Variants in KAT2B observed in about 807,000 individuals in gnomAD.
The protein encoded by KAT2B is lysine acetyltransferase 2B.
A neutral mutation model predicts 105.9 loss-of-function variants in KAT2B; 36 were observed. That is an observed-to-expected ratio of 0.34 (90% CI 0.26 to 0.45). The LOEUF is 0.45. Among genes scored for constraint, KAT2B ranks in the 20% least tolerant of loss-of-function variants. The pLI is 1.00. For synonymous variants in KAT2B, 397 were observed against 377.9 expected, an observed-to-expected ratio of 1.05 and a Z score of -0.59; for missense variants, 820 against 1,021.6, an observed-to-expected ratio of 0.80 and a Z score of 2.69.
chr3:20,062,012 ATT>A (rs1370714239), intron 1 of KAT2B, among the ~76,000 whole-genome samples: 5 of 74,560 alleles, frequency 6.7e-5, no homozygotes, highest in African/African-American at 1.6e-4. Context: ...TATAATATAT[ATT>A]ATATATAAAA....
At chr3:20,073,766 T>C (rs1698369382) in intron 2 of KAT2B, among the ~76,000 whole-genome samples, 1 of 152,208 alleles carries the variant, frequency 6.6e-6, no homozygotes, top group Non-Finnish European at 1.5e-5. Flanking sequence ...TAACTCTGAA[T>C]GGAGTGAATG....
chr3:20,101,474 C>G lies in KAT2B; in HGVS notation c.851+6C>G. On this transcript the variant is annotated splice_donor_region_variant and intron_variant, in intron 5 of 17. Coordinates refer to ENST00000263754, the MANE Select transcript of KAT2B (RefSeq NM_003884.5). Reference sequence around the variant, plus strand: ...TACAAAGAGAACTACACAAGGTAATCAGATGCAAGTTCTTTTCCTTTGGCC... The same window carrying G: ...TACAAAGAGAACTACACAAGGTAATGAGATGCAAGTTCTTTTCCTTTGGCC... 1 of 1,612,308 alleles carries G rather than the reference C, an allele frequency of 6.2e-7. No homozygotes were observed. Among genetic ancestry groups the G allele is most frequent in the South Asian group, 1.1e-5 (1 of 90,948 alleles).
At position 20,119,689 on chromosome 3, in the gene KAT2B, C is replaced by T; in HGVS notation, c.1242C>T (p.Ala414=). 6.2e-7 allele frequency: 1 copy of T among 1,614,108 alleles called. No individual in the cohort carries two copies. The highest frequency in any genetic ancestry group is 8.5e-7 in the Non-Finnish European group (1 of 1,179,996). Residue 414 remains alanine, a synonymous_variant, in exon 8 of 18, where the codon GCC becomes GCT. Coordinates refer to ENST00000263754, the MANE Select transcript of KAT2B (RefSeq NM_003884.5). The part of the protein sequence containing the change: ...EQPNAGSSSP[A]CKASSGLEAN... ...CAAACGCAGGGAGCAGCAGTCCTGC[C>T]TGCAAAGCCTCTTCTGGACTTGAGG...
chr3:20,150,755 T>C (rs1000112862), intron 17 of KAT2B, among the ~76,000 whole-genome samples: 3 of 152,200 alleles, frequency 2.0e-5, no homozygotes, highest in African/African-American at 7.2e-5. Flanking sequence ...ACCGCCATAA[T>C]TCTTGCTTTG....
chr3:20,128,912 C>A (rs1699457690), intron 11 of KAT2B, among the ~76,000 whole-genome samples: 1 of 142,532 alleles, frequency 7.0e-6, no homozygotes, highest in African/African-American at 2.6e-5. Context: ...GAGGCTGAGG[C>A]AGGAAAATTG....
chr3:20,094,267 G>A (rs1698771132), intron 2 of KAT2B, among the ~76,000 whole-genome samples: 1 of 152,054 alleles, frequency 6.6e-6, no homozygotes, highest in Non-Finnish European at 1.5e-5. Context: ...GAGAGAGAGC[G>A]AGCGAGCGAG....
intron 2 of KAT2B, among the ~76,000 whole-genome samples, chr3:20,089,469 C>G (rs1366841181): frequency 1.3e-5 from 2 of 148,978 alleles, no homozygotes; most frequent in Non-Finnish European, 3.0e-5. Flanking sequence ...GGCGCAATCT[C>G]AGCTCACTGC....
chr3:20,061,659 T>C (rs1038840998), intron 1 of KAT2B, among the ~76,000 whole-genome samples: 1 of 151,466 alleles, frequency 6.6e-6, no homozygotes, highest in Non-Finnish European at 1.5e-5. Context: ...TCTTTTGTAG[T>C]AGCCATGCTA....
chr3:20,095,686 C>G (rs1698796132), intron 3 of KAT2B, among the ~76,000 whole-genome samples: 1 of 152,162 alleles, frequency 6.6e-6, no homozygotes, highest in African/African-American at 2.4e-5. Context: ...ATATTTATTG[C>G]ACATCTGTTC....
chr3:20,132,407 C>T (rs1000180310), intron 11 of KAT2B, among the ~76,000 whole-genome samples: 2 of 152,138 alleles, frequency 1.3e-5, no homozygotes, highest in Non-Finnish European at 2.9e-5. Flanking sequence ...ATATTATATA[C>T]AGCTTTAAAA....
At chr3:20,053,457 T>A (rs968241100) in intron 1 of KAT2B, among the ~76,000 whole-genome samples, 2 of 152,056 alleles carry the variant, frequency 1.3e-5, no homozygotes, top group East Asian at 3.9e-4. Context: ...ATCACTTGAG[T>A]CCAGGAGGTC....
At chr3:20,125,852 A>G in intron 9 of KAT2B, 53 bp from the exon 10 acceptor site, 2 of 1,432,650 alleles carry the variant, frequency 1.4e-6, no homozygotes, top group East Asian at 2.3e-5. Context: ...TCCCATCCCC[A>G]CTGTCTTGAG....
Position 20,106,438 on chromosome 3 carries a change from TACACAC to T in KAT2B, c.851+4992_851+4997del, listed in dbSNP as rs10554524. On this transcript the variant is annotated intron_variant, in intron 5 of 17. Coordinates refer to ENST00000263754, the MANE Select transcript of KAT2B (RefSeq NM_003884.5). ...CAATTTATTAAAACAACACCAGAAG[TACACAC>T]ACACACACACACACACACACATTCT... 1.3e-3 allele frequency among the ~76,000 whole-genome samples: 189 copies of T among 145,710 alleles called. No individual in the cohort carries two copies. In the South Asian group the frequency reaches 0.017, roughly 13 times the overall value.
intron 9 of KAT2B, 148 bp from the exon 10 acceptor site, chr3:20,125,757 G>T: frequency 1.6e-6 from 1 of 640,470 alleles, no homozygotes; most frequent in Non-Finnish European, 2.7e-6. Flanking sequence ...GTCTCTGTGT[G>T]TATGTGTGCA....
intron 13 of KAT2B, among the ~76,000 whole-genome samples, chr3:20,143,705 A>G (rs1459759417): frequency 6.6e-6 from 1 of 152,248 alleles, no homozygotes; most frequent in Non-Finnish European, 1.5e-5. Flanking sequence ...TGCAGCCATA[A>G]AAAAGAACAA....
In KAT2B at chr3:20,119,740, G is replaced by C. The variant is rs755664243; in HGVS notation, c.1276+17G>C. On this transcript the variant is annotated intron_variant, in intron 8 of 17. Transcript: ENST00000263754. Reference sequence around the variant, plus strand: ...CAAACCCAGGTAAGCTCTTAAGAGGGGATAAGAGAGGGCTGTGACTTGCTC... The same window carrying C: ...CAAACCCAGGTAAGCTCTTAAGAGGCGATAAGAGAGGGCTGTGACTTGCTC... 2 of 1,613,270 alleles carry C rather than the reference G, an allele frequency of 1.2e-6. No individual in the cohort carries two copies. Among genetic ancestry groups the C allele is most frequent in the African/African-American group, 2.7e-5 (2 of 74,906 alleles).
At chr3:20,112,778 T>C (rs1478515475) in intron 6 of KAT2B, among the ~76,000 whole-genome samples, 2 of 152,344 alleles carry the variant, frequency 1.3e-5, no homozygotes, top group South Asian at 4.1e-4. Context: ...GATGAAACAC[T>C]GTTTTGTTTG....
chr3:20,098,358 A>T lies in KAT2B; in HGVS notation c.577-1504A>T, dbSNP rs551110575. Among the ~76,000 whole-genome samples, 4 of 152,314 alleles carry T rather than the reference A, an allele frequency of 2.6e-5. No homozygotes were observed. In the South Asian group the frequency reaches 8.3e-4, roughly 32 times the overall value. Reference sequence around the variant, plus strand: ...TGGAGTCTAACTACCTGGGTTTAAAACTTTGCTCTATCACTTACTAAATGT... The same window carrying T: ...TGGAGTCTAACTACCTGGGTTTAAATCTTTGCTCTATCACTTACTAAATGT... On this transcript the variant is annotated intron_variant, in intron 3 of 17. Coordinates refer to ENST00000263754, the MANE Select transcript of KAT2B (RefSeq NM_003884.5).
rs1164418318 is a variant in KAT2B at position 20,062,192 on chromosome 3, T to A, written c.304-10141T>A. On this transcript the variant is annotated intron_variant, in intron 1 of 17. Coordinates refer to ENST00000263754, the MANE Select transcript of KAT2B (RefSeq NM_003884.5). Reference sequence around the variant, plus strand: ...TATATATAATATATAATATATAAAATATATATATTTTATATAAAATATATT... The same window carrying A: ...TATATATAATATATAATATATAAAAAATATATATTTTATATAAAATATATT... Among the ~76,000 whole-genome samples, 117 of 36,940 alleles carry A rather than the reference T, an allele frequency of 3.2e-3. 7 individuals carry two copies. Among genetic ancestry groups the A allele is most frequent in the African/African-American group, 9.7e-3 (94 of 9,648 alleles). 24.2% of individuals were successfully genotyped at this position (36,940 alleles called of 152,430 possible).
Sources: gnomAD v4.1 joint callset for allele counts (sites outside exome capture counted in the v4.1 genomes callset) on GRCh38, gnomAD v4.1.1 for gene constraint, MANE v1.5 for transcripts, NCBI Gene and HGNC (gene_info 2026-07-23, HGNC 2026-07-21) for gene names.